FAT3: variants seen among roughly 807,000 people sequenced by gnomAD.
The protein encoded by FAT3 is FAT atypical cadherin 3, also known as protocadherin Fat 3.
In FAT3, 95 loss-of-function variants were observed where a neutral mutation model predicts 310.2. The observed-to-expected ratio is 0.31, with a 90% CI of 0.26 to 0.36. The LOEUF (loss-of-function observed/expected upper bound fraction) is 0.36. FAT3 is among the 10% of genes least tolerant of loss of function. The pLI is 1.00. For synonymous variants in FAT3, 2,314 were observed against 2,192.9 expected, an observed-to-expected ratio of 1.06 and a Z score of -1.54; for missense variants, 5,408 against 5,715.6, an observed-to-expected ratio of 0.95 and a Z score of 1.74.
chr11:92,612,040 G>C (rs1482770082), intron 3 of FAT3, among the ~76,000 whole-genome samples: 1 of 152,150 alleles, frequency 6.6e-6, no homozygotes, highest in East Asian at 1.9e-4. Flanking sequence ...CATAAACAGT[G>C]CTTAATTAAT....
chr11:92,717,796 T>C (rs1464425887), intron 4 of FAT3, among the ~76,000 whole-genome samples: 3 of 152,174 alleles, frequency 2.0e-5, no homozygotes, highest in Admixed American at 6.5e-5. Context: ...ATTTGGCTCA[T>C]TGGGACCACA....
At chr11:92,668,960 A>G (rs1943044576) in intron 3 of FAT3, among the ~76,000 whole-genome samples, 1 of 152,158 alleles carries the variant, frequency 6.6e-6, no homozygotes, top group Middle Eastern at 3.2e-3. Flanking sequence ...GTCATGAGCT[A>G]CTCAGGGCAC....
intron 1 of FAT3, among the ~76,000 whole-genome samples, chr11:92,290,533 G>A (rs776689596): frequency 1.1e-4 from 16 of 152,022 alleles, no homozygotes; most frequent in Non-Finnish European, 1.8e-4. Flanking sequence ...GAGGCAGGTG[G>A]ATCACCAGCG....
intron 2 of FAT3, among the ~76,000 whole-genome samples, chr11:92,385,026 T>C (rs542851426): frequency 6.6e-6 from 1 of 152,330 alleles, no homozygotes; most frequent in Non-Finnish European, 1.5e-5. Context: ...TGCCAGCTCC[T>C]GACTGCACAG....
intron 4 of FAT3, among the ~76,000 whole-genome samples, chr11:92,723,696 T>G (rs1393640864): frequency 6.6e-6 from 1 of 152,204 alleles, no homozygotes; most frequent in Non-Finnish European, 1.5e-5. Context: ...CTATCTATCA[T>G]GGCAGAAGGT....
rs141820342 is a variant in FAT3 at position 92,362,329 on chromosome 11, A to G, written c.3292+6925A>G. On this transcript the variant is annotated intron_variant, in intron 2 of 27. Coordinates refer to ENST00000525166, the MANE Select transcript of FAT3 (RefSeq NM_001367949.2). ...TGTGAACAGATTATTCCAATAATAA[A>G]TAAGTATAACTTTATAATCGTGTTC... 5.9e-5 allele frequency among the ~76,000 whole-genome samples: 9 copies of G among 152,368 alleles called. No homozygotes were observed. The East Asian group carries it at 1.7e-3, about 29-fold the overall frequency.
chr11:92,596,382 A>T (rs1034159430), intron 3 of FAT3, among the ~76,000 whole-genome samples: 7 of 152,126 alleles, frequency 4.6e-5, no homozygotes, highest in African/African-American at 1.4e-4. Context: ...TTATGTTCTG[A>T]TGGTTGGTAC....
At chr11:92,526,474 A>G (rs1179797534) in intron 3 of FAT3, among the ~76,000 whole-genome samples, 11 of 152,302 alleles carry the variant, frequency 7.2e-5, no homozygotes, top group African/African-American at 2.6e-4. Context: ...TTGCTACTTG[A>G]GTCATTAATG....
rs1948644713 is a variant in FAT3, at chr11:92,353,882, C to T, written c.1770C>T (p.Asp590=). 3.7e-6 allele frequency: 6 copies of T among 1,613,424 alleles called. No individual in the cohort carries two copies. Among genetic ancestry groups the T allele is most frequent in the Non-Finnish European group, 5.1e-6 (6 of 1,179,572 alleles). Residue 590 remains aspartate, a synonymous_variant, in exon 2 of 28, where the codon GAC becomes GAT. Coordinates refer to ENST00000525166, the MANE Select transcript of FAT3 (RefSeq NM_001367949.2). ...CTTGCCAGGGAGTTATTTCATATGA[C>T]TTTCCAGTTGGTGGTCACATCACAG... is the stretch of plus-strand genomic sequence containing the variant. ...KVACQGVISY[D]FPVGGHITAV... is the part of the protein sequence containing the mutation.
At chr11:92,502,391 A>T (rs146640644) in intron 2 of FAT3, among the ~76,000 whole-genome samples, 2 of 152,100 alleles carry the variant, frequency 1.3e-5, no homozygotes, top group Non-Finnish European at 2.9e-5. Flanking sequence ...GAGCAGGCCA[A>T]TGCATCAGGA....
At chr11:92,247,220 G>A (rs948653274) in intron 1 of FAT3, among the ~76,000 whole-genome samples, 2 of 152,022 alleles carry the variant, frequency 1.3e-5, no homozygotes, top group African/African-American at 4.8e-5. Context: ...GGTTAGCAGG[G>A]TGGACCTTGA....
intron 2 of FAT3, among the ~76,000 whole-genome samples, chr11:92,414,193 T>C (rs1043340090): frequency 6.6e-6 from 1 of 152,186 alleles, no homozygotes; most frequent in Non-Finnish European, 1.5e-5. Context: ...TTGAGTTATC[T>C]TGCTAACAAA....
At chr11:92,757,007 C>T (rs942276764) in intron 4 of FAT3, among the ~76,000 whole-genome samples, 2 of 148,320 alleles carry the variant, frequency 1.3e-5, no homozygotes, top group African/African-American at 5.1e-5. Flanking sequence ...TCACTGCAAC[C>T]TCCGCCTCCC....
intron 2 of FAT3, among the ~76,000 whole-genome samples, chr11:92,489,022 G>T (rs1422335160): frequency 6.6e-6 from 1 of 152,090 alleles, no homozygotes; most frequent in Non-Finnish European, 1.5e-5. Context: ...GTCAAATAAG[G>T]TAAGTGCATA....
intron 3 of FAT3, among the ~76,000 whole-genome samples, chr11:92,556,261 C>T (rs897048277): frequency 5.9e-5 from 9 of 152,124 alleles, no homozygotes; most frequent in African/African-American, 2.2e-4. Context: ...TAAATTTTTG[C>T]TATTCTTTTA....
At position 92,354,906 on chromosome 11, in the gene FAT3, T is replaced by G; in HGVS notation, c.2794T>G (p.Cys932Gly). 6.2e-7 allele frequency: 1 copy of G among 1,613,932 alleles called. No individual in the cohort carries two copies. Among genetic ancestry groups the G allele is most frequent in the East Asian group, 2.2e-5 (1 of 44,882 alleles). ...AGTTTTTTTAGATGATGTCAATGAC[T>G]GCTCCCCAGCTTTCATTCCCAGTAG... ...LKVFLDDVNDCSPAFIPSSYS... is the reference protein window; with the variant it reads ...LKVFLDDVNDGSPAFIPSSYS... Residue 932 changes from cysteine to glycine, a missense_variant, in exon 2 of 28, where the codon TGC becomes GGC. Physicochemically the swap from Cys to Gly is radical, Grantham distance 159. Around this residue, in one of 5 missense-constraint regions of FAT3, gnomAD observed 4,588 missense variants for 4,809.8 expected, o/e 0.95. Coordinates refer to ENST00000525166, the MANE Select transcript of FAT3 (RefSeq NM_001367949.2).
chr11:92,573,808 T>C (rs2135511787), intron 3 of FAT3, among the ~76,000 whole-genome samples: 1 of 152,206 alleles, frequency 6.6e-6, no homozygotes, highest in South Asian at 2.1e-4. Context: ...GCCAACACCT[T>C]GGTTTTGGGC....
intron 4 of FAT3, among the ~76,000 whole-genome samples, chr11:92,723,033 C>A (rs1288307808): frequency 6.6e-6 from 1 of 152,214 alleles, no homozygotes; most frequent in Admixed American, 6.5e-5. Context: ...TAACATTCAG[C>A]TCCTTGTTGC....
At chr11:92,839,715 T>G (rs1271648741) in intron 17 of FAT3, among the ~76,000 whole-genome samples, 1 of 152,136 alleles carries the variant, frequency 6.6e-6, no homozygotes, top group Non-Finnish European at 1.5e-5. Context: ...TACAACTGAT[T>G]TCAGGCCCAA....
Sources: gnomAD v4.1 joint callset for allele counts (sites outside exome capture counted in the v4.1 genomes callset) on GRCh38, gnomAD v4.1.1 for gene constraint, gnomAD v4.1.1 regional missense constraint, MANE v1.5 for transcripts, NCBI Gene and HGNC (gene_info 2026-07-23, HGNC 2026-07-21) for gene names.